The following COLGALT2 variants were observed in gnomAD, a reference collection of about 807,000 sequenced individuals.
The protein encoded by COLGALT2 is collagen beta(1-O)galactosyltransferase 2, also known as procollagen galactosyltransferase 2.
Under a neutral mutation model 73.4 loss-of-function variants are expected in COLGALT2, and 49 were observed. That is an observed-to-expected ratio of 0.67 (90% CI 0.53 to 0.85). The LOEUF (loss-of-function observed/expected upper bound fraction) is 0.85, where lower values mean the gene tolerates loss of function less well. Among genes scored for constraint, COLGALT2 ranks in the 40% least tolerant of loss-of-function variants. COLGALT2 has a pLI of 0.00. For synonymous variants in COLGALT2, 295 were observed against 307.6 expected, an observed-to-expected ratio of 0.96 and a Z score of 0.43; for missense variants, 722 against 790.2, an observed-to-expected ratio of 0.91 and a Z score of 1.03.
Position 183,992,676 on chromosome 1 carries a change from A to G in COLGALT2, c.264-14156T>C, listed in dbSNP as rs144781597. On this transcript the variant is annotated intron_variant, in intron 1 of 11. Coordinates refer to ENST00000361927, the MANE Select transcript of COLGALT2 (RefSeq NM_015101.4). ...CTTTGCTCTTGCTGTGAATAGAGTT[A>G]TCAGTTGAAAGGATGCCTGATGCAC... 1.8e-3 allele frequency among the ~76,000 whole-genome samples: 279 copies of G among 152,320 alleles called. 3 individuals are homozygous for G. The highest frequency in any genetic ancestry group is 6.4e-3 in the African/African-American group (265 of 41,566).
downstream of COLGALT2, among the ~76,000 whole-genome samples, chr1:183,935,592 G>A (rs890022980): frequency 6.6e-6 from 1 of 152,104 alleles, no homozygotes; most frequent in African/African-American, 2.4e-5. Flanking sequence ...CTCCCAGTGG[G>A]GGCTCTCTTC....
At chr1:183,944,410 T>C in intron 9 of COLGALT2, 87 bp from the exon 10 acceptor site, 3 of 1,428,880 alleles carry the variant, frequency 2.1e-6, no homozygotes, top group Middle Eastern at 4.6e-4. Flanking sequence ...AAGTCACGAG[T>C]CTAGTAGCAC....
chr1:183,941,490 C>T lies in COLGALT2; in HGVS notation c.1398-703G>A, dbSNP rs182317739. 5.2e-3 allele frequency among the ~76,000 whole-genome samples: 791 copies of T among 152,332 alleles called. 3 individuals are homozygous for T. The highest frequency in any genetic ancestry group is 8.1e-3 in the Non-Finnish European group (550 of 68,026). ...ATGCACCTTTGGCCACTCCCATCTT[C>T]CCTAGTCTACCCATGGATCTGTGCT... On this transcript the variant is annotated intron_variant, in intron 10 of 11. Transcript: ENST00000361927.
At chr1:183,950,718 G>T (rs1219711552) in intron 8 of COLGALT2, among the ~76,000 whole-genome samples, 1 of 152,114 alleles carries the variant, frequency 6.6e-6, no homozygotes, top group Non-Finnish European at 1.5e-5. Flanking sequence ...CACTACAGAA[G>T]GCTGAAAACC....
chr1:183,953,233 C>G (rs1211411957), intron 7 of COLGALT2, among the ~76,000 whole-genome samples: 1 of 152,172 alleles, frequency 6.6e-6, no homozygotes, highest in Admixed American at 6.5e-5. Context: ...AGTGAGGTCA[C>G]AGAGTCCGAG....
At chr1:184,006,217 T>A (rs911690883) in intron 1 of COLGALT2, among the ~76,000 whole-genome samples, 10 of 152,220 alleles carry the variant, frequency 6.6e-5, no homozygotes, top group African/African-American at 2.4e-4. Flanking sequence ...TTTTTATAAA[T>A]AATGCATGGT....
intron 1 of COLGALT2, among the ~76,000 whole-genome samples, chr1:184,019,098 G>A (rs534550906): frequency 3.9e-4 from 60 of 152,200 alleles, no homozygotes; most frequent in South Asian, 1.7e-3. Flanking sequence ...TTTCTATTCC[G>A]ATTTTTGGCT....
intron 5 of COLGALT2, 134 bp downstream of exon 5, chr1:183,969,135 T>G: frequency 1.4e-6 from 1 of 696,092 alleles, no homozygotes; most frequent in Non-Finnish European, 2.3e-6. Flanking sequence ...GCTGGTATGG[T>G]TATTGCAGAC....
chr1:183,997,920 G>A (rs1275209787), intron 1 of COLGALT2, among the ~76,000 whole-genome samples: 1 of 152,138 alleles, frequency 6.6e-6, no homozygotes, highest in Non-Finnish European at 1.5e-5. Flanking sequence ...GACTGTCAGT[G>A]GACATTTAGC....
chr1:183,949,786 A>G (rs1670347510), intron 8 of COLGALT2, among the ~76,000 whole-genome samples: 1 of 152,248 alleles, frequency 6.6e-6, no homozygotes. Flanking sequence ...TGAAATTGTG[A>G]CAATCAATAA....
At position 183,977,069 on chromosome 1, in the gene COLGALT2, G is replaced by C. The variant is rs547675211; in HGVS notation, c.374+1341C>G. 2.9e-4 allele frequency among the ~76,000 whole-genome samples: 44 copies of C among 152,296 alleles called. No homozygotes were observed. The Middle Eastern group carries it at 0.01, about 35-fold the overall frequency. On this transcript the variant is annotated intron_variant, in intron 2 of 11. Coordinates refer to ENST00000361927, the MANE Select transcript of COLGALT2 (RefSeq NM_015101.4). ...TTGAACTTTGTTCAGGTCCTAAAGA[G>C]TAAGTGAAGTATTTTTAATAAAGAA...
intron 1 of COLGALT2, among the ~76,000 whole-genome samples, chr1:184,014,252 A>G (rs1448954680): frequency 6.6e-6 from 1 of 152,190 alleles, no homozygotes; most frequent in East Asian, 1.9e-4. Flanking sequence ...TGTATTGAGA[A>G]ATGAGTAAGC....
At chr1:183,982,280 A>G (rs2102822913) in intron 1 of COLGALT2, among the ~76,000 whole-genome samples, 1 of 152,310 alleles carries the variant, frequency 6.6e-6, no homozygotes, top group South Asian at 2.1e-4. Context: ...CAGAGGTGGG[A>G]AAGTGGTCCA....
intron 1 of COLGALT2, among the ~76,000 whole-genome samples, chr1:184,029,032 G>T (rs1189115621): frequency 6.6e-6 from 1 of 152,156 alleles, no homozygotes; most frequent in Non-Finnish European, 1.5e-5. Context: ...ACTCTGAAAG[G>T]ATTTCTGTAT....
chr1:183,954,911 C>T (rs1296196031), intron 6 of COLGALT2, 73 bp from the exon 7 acceptor site: 15 of 1,154,760 alleles, frequency 1.3e-5, no homozygotes. Flanking sequence ...ATCCGCATGC[C>T]TGATCTCTAG....
chr1:183,950,977 A>T, intron 8 of COLGALT2, 30 bp downstream of exon 8: 1 of 1,503,996 alleles, frequency 6.6e-7, no homozygotes, highest in Non-Finnish European at 9.3e-7. Flanking sequence ...CTCCAATCAC[A>T]TCTGCAATGG....
At chr1:183,934,779 T>C (rs1669913942), downstream of COLGALT2, among the ~76,000 whole-genome samples, 1 of 152,190 alleles carries the variant, frequency 6.6e-6, no homozygotes, top group Non-Finnish European at 1.5e-5. Flanking sequence ...GGAAAAACCA[T>C]AAGATTCCCA....
At chr1:184,025,994 C>G (rs936132803) in intron 1 of COLGALT2, among the ~76,000 whole-genome samples, 1 of 152,172 alleles carries the variant, frequency 6.6e-6, no homozygotes, top group Non-Finnish European at 1.5e-5. Flanking sequence ...TTTCAAAATA[C>G]GTCAATTGCC....
Position 184,021,066 on chromosome 1 carries a change from A to G in COLGALT2, c.263+16029T>C, listed in dbSNP as rs139753901. ...ACTTCTGCCTATCCTGTCAAGTCACATGATTCAGCATGGCACGAGACTATA... is the reference window on the plus strand; with the variant it reads ...ACTTCTGCCTATCCTGTCAAGTCACGTGATTCAGCATGGCACGAGACTATA... On this transcript the variant is annotated intron_variant, in intron 1 of 11. Transcript: ENST00000361927. Among the ~76,000 whole-genome samples, 506 of 152,258 alleles carry G rather than the reference A, an allele frequency of 3.3e-3. 1 individual carries two copies. Among genetic ancestry groups the G allele is most frequent in the African/African-American group, 0.011 (466 of 41,554 alleles).
Sources: gnomAD v4.1 joint callset for allele counts (sites outside exome capture counted in the v4.1 genomes callset) on GRCh38, gnomAD v4.1.1 for gene constraint, MANE v1.5 for transcripts, NCBI Gene and HGNC (gene_info 2026-07-23, HGNC 2026-07-21) for gene names.